Variants in PLXDC2 observed in about 807,000 individuals in gnomAD.
The protein encoded by PLXDC2 is plexin domain-containing protein 2.
PLXDC2 carries 40 observed loss-of-function variants against 68.9 expected under a neutral mutation model. The observed-to-expected ratio is 0.58, with a 90% CI of 0.45 to 0.76. The LOEUF (loss-of-function observed/expected upper bound fraction) is 0.76. PLXDC2 is among the 30% of genes least tolerant of loss of function. The pLI, the probability that PLXDC2 is intolerant of heterozygous loss-of-function variation, is 0.00. For missense variants in PLXDC2, 644 were observed against 661.9 expected (o/e 0.97, Z 0.30); for synonymous variants, 243 against 234.2 (o/e 1.04, Z -0.34).
intron 1 of PLXDC2, among the ~76,000 whole-genome samples, chr10:19,853,755 T>C (rs1837164027): frequency 6.6e-6 from 1 of 152,196 alleles, no homozygotes; most frequent in African/African-American, 2.4e-5. Context: ...TAAGGAAATA[T>C]AGCTGGGTGC....
At chr10:20,175,850 G>A (rs900678724) in intron 7 of PLXDC2, among the ~76,000 whole-genome samples, 13 of 151,992 alleles carry the variant, frequency 8.6e-5, no homozygotes, top group African/African-American at 2.7e-4. Context: ...ACAGTTTATA[G>A]CCCCACTAAT....
chr10:19,849,642 C>A (rs1478360493), intron 1 of PLXDC2, among the ~76,000 whole-genome samples: 13 of 152,112 alleles, frequency 8.5e-5, no homozygotes, highest in Non-Finnish European at 1.8e-4. Flanking sequence ...TCCCCTTCCA[C>A]CATGATTGTA....
intron 1 of PLXDC2, among the ~76,000 whole-genome samples, chr10:19,946,853 C>T (rs117529864): frequency 0.019 from 2,876 of 152,024 alleles, 41 homozygotes; most frequent in Middle Eastern, 0.044. Flanking sequence ...ATCGCTGATC[C>T]GACAGGAGGT....
intron 9 of PLXDC2, among the ~76,000 whole-genome samples, chr10:20,181,629 A>G (rs954291906): frequency 3.9e-5 from 6 of 152,034 alleles, no homozygotes; most frequent in Admixed American, 3.3e-4. Context: ...CACTGGCCCT[A>G]TGGTGGGTCC....
chr10:19,927,713 CAAAAAAAAAA>C (rs35250324), intron 1 of PLXDC2, among the ~76,000 whole-genome samples: 3 of 53,142 alleles, frequency 5.6e-5, no homozygotes, highest in Non-Finnish European at 9.3e-5. Flanking sequence ...GGAAAAAAAG[CAAAAAAAAAA>C]AAAAAAAAAA....
intron 9 of PLXDC2, among the ~76,000 whole-genome samples, chr10:20,197,486 T>G (rs143538408): frequency 0.012 from 1,820 of 152,062 alleles, 16 homozygotes; most frequent in Middle Eastern, 0.017. Flanking sequence ...GCCTCCTGAG[T>G]AGCTGGGACT....
chr10:19,886,811 A>G lies in PLXDC2; in HGVS notation c.112+69620A>G, dbSNP rs930083145. Among the ~76,000 whole-genome samples the G allele has an allele frequency of 2.8e-4, 43 of 152,326 alleles. No homozygotes were observed. The Middle Eastern group carries it at 0.01, about 36-fold the overall frequency. ...AGATTTTTATGAGAAAAAATTCTGTAATTCTGAAAAGAAAAAACTTAGAAG... is the reference window on the plus strand; with the variant it reads ...AGATTTTTATGAGAAAAAATTCTGTGATTCTGAAAAGAAAAAACTTAGAAG... On this transcript the variant is annotated intron_variant, in intron 1 of 13. Transcript: ENST00000377252.
At chr10:19,911,289 T>A (rs1833267113) in intron 1 of PLXDC2, among the ~76,000 whole-genome samples, 1 of 151,984 alleles carries the variant, frequency 6.6e-6, no homozygotes, top group Non-Finnish European at 1.5e-5. Flanking sequence ...AATGTGTCTG[T>A]GGAAGGGGAT....
At chr10:20,143,925 T>A (rs1834040095) in intron 5 of PLXDC2, among the ~76,000 whole-genome samples, 1 of 152,032 alleles carries the variant, frequency 6.6e-6, no homozygotes. Context: ...AGAAAATGAG[T>A]GAGAGCCTGT....
intron 13 of PLXDC2, among the ~76,000 whole-genome samples, chr10:20,266,029 G>A (rs1054460718): frequency 6.6e-6 from 1 of 152,174 alleles, no homozygotes; most frequent in Non-Finnish European, 1.5e-5. Context: ...TATGATATGA[G>A]CAAGAGATAA....
At chr10:20,021,960 G>A (rs925606919) in intron 2 of PLXDC2, among the ~76,000 whole-genome samples, 1 of 152,118 alleles carries the variant, frequency 6.6e-6, no homozygotes, top group African/African-American at 2.4e-5. Context: ...GCCTCCCAAA[G>A]TGCTGGGATT....
At chr10:20,114,656 A>T (rs1278132894) in intron 4 of PLXDC2, among the ~76,000 whole-genome samples, 1 of 152,240 alleles carries the variant, frequency 6.6e-6, no homozygotes, top group Admixed American at 6.5e-5. Context: ...GACGAGGAGA[A>T]GCTTAAAAGA....
chr10:20,056,320 A>G (rs1182429582), intron 3 of PLXDC2, among the ~76,000 whole-genome samples: 1 of 152,182 alleles, frequency 6.6e-6, no homozygotes, highest in Non-Finnish European at 1.5e-5. Context: ...CAAAATTAAC[A>G]TGATTAGAGT....
At chr10:20,278,050 C>G (rs1836031323) in intron 13 of PLXDC2, among the ~76,000 whole-genome samples, 1 of 152,156 alleles carries the variant, frequency 6.6e-6, no homozygotes, top group African/African-American at 2.4e-5. Flanking sequence ...GAAGAGTACT[C>G]CTTTGTGTTT....
chr10:20,226,286 A>T (rs569101949), intron 12 of PLXDC2, among the ~76,000 whole-genome samples: 4 of 152,212 alleles, frequency 2.6e-5, no homozygotes, highest in Non-Finnish European at 5.9e-5. Context: ...AAATGAGTCC[A>T]TTTAAGCCAA....
intron 2 of PLXDC2, among the ~76,000 whole-genome samples, chr10:20,033,152 T>C (rs1250216867): frequency 6.6e-6 from 1 of 151,600 alleles, no homozygotes; most frequent in Non-Finnish European, 1.5e-5. Context: ...CTGCACGTTG[T>C]GCACATGTAC....
chr10:19,953,037 GTATT>G (rs1265108857), intron 1 of PLXDC2, among the ~76,000 whole-genome samples: 2 of 151,996 alleles, frequency 1.3e-5, no homozygotes, highest in Non-Finnish European at 2.9e-5. Flanking sequence ...GCTAATTTTT[GTATT>G]TATTAGTAGA....
intron 4 of PLXDC2, among the ~76,000 whole-genome samples, chr10:20,130,829 C>T (rs1833857927): frequency 6.6e-6 from 1 of 152,024 alleles, no homozygotes; most frequent in African/African-American, 2.4e-5. Flanking sequence ...GGATAAAACC[C>T]ATGTGATCAT....
At chr10:19,898,961 T>C (rs1838111970) in intron 1 of PLXDC2, among the ~76,000 whole-genome samples, 1 of 152,190 alleles carries the variant, frequency 6.6e-6, no homozygotes, top group African/African-American at 2.4e-5. Flanking sequence ...TTACAACTGC[T>C]TAACACTTTG....
Sources: allele counts gnomAD v4.1 joint callset (sites outside exome capture counted in the v4.1 genomes callset), GRCh38; gene constraint gnomAD v4.1.1; transcripts MANE v1.5; gene names NCBI Gene and HGNC (gene_info 2026-07-23, HGNC 2026-07-21).